The following FAM3B variants were observed in gnomAD, a reference collection of about 807,000 sequenced individuals.
FAM3B encodes the protein protein FAM3B.
In FAM3B, 29 loss-of-function variants were observed where a neutral mutation model predicts 28.4. The observed-to-expected ratio is 1.02, with a 90% confidence interval of 0.76 to 1.39. FAM3B has a LOEUF of 1.39. FAM3B is among the 40% of genes most tolerant of loss of function. The pLI, the probability that FAM3B is intolerant of heterozygous loss-of-function variation, is 0.00. For missense variants in FAM3B, 266 were observed against 293.9 expected (o/e 0.91, Z 0.69); for synonymous variants, 91 against 103.0 (o/e 0.88, Z 0.71).
intron 2 of FAM3B, among the ~76,000 whole-genome samples, chr21:41,336,241 G>A (rs989237894): frequency 3.3e-5 from 5 of 152,132 alleles, no homozygotes; most frequent in African/African-American, 1.2e-4. Context: ...TAAGAAATAG[G>A]CCAGGCATGG....
intron 7 of FAM3B, among the ~76,000 whole-genome samples, chr21:41,355,751 C>G (rs2089159571): frequency 1.3e-5 from 2 of 152,054 alleles, no homozygotes; most frequent in Admixed American, 1.3e-4. Flanking sequence ...TTAAAATTGA[C>G]CATGGTGATG....
intron 4 of FAM3B, among the ~76,000 whole-genome samples, 184 bp downstream of exon 4, chr21:41,344,718 A>C (rs1258845970): frequency 6.6e-6 from 1 of 152,226 alleles, no homozygotes; most frequent in African/African-American, 2.4e-5. Context: ...TGGTTCTAAC[A>C]ACAAATAAAC....
intron 1 of FAM3B, among the ~76,000 whole-genome samples, chr21:41,311,251 A>AAAAT (rs1555866518): frequency 2.4e-3 from 84 of 35,040 alleles, no homozygotes; most frequent in Admixed American, 4.1e-3. Flanking sequence ...AAAAAAAAAA[A>AAAAT]ATATATATAT....
intron 2 of FAM3B, among the ~76,000 whole-genome samples, chr21:41,323,518 G>C (rs371674): frequency 0.35 from 53,777 of 152,124 alleles, 13,191 homozygotes; most frequent in African/African-American, 0.7. Context: ...TGAACACACG[G>C]CCTCAACCAT....
In FAM3B at chr21:41,304,421, A is replaced by G; in HGVS notation, n.99+111A>G. 1.3e-5 allele frequency: 5 copies of G among 386,856 alleles called. No individual in the cohort carries two copies. The East Asian group carries it at 2.3e-4, about 18-fold the overall frequency. The allele number at this position is 386,856 out of a possible 1,614,324, so 24.0% of individuals were successfully genotyped here. The stretch of plus-strand genomic sequence containing the variant: ...GAGGGAGTCGCCCCCGAAGGGCCCC[A>G]GGTTGCCTGCACCGGCGGTTTCCCA... On this transcript the variant is annotated intron_variant and non_coding_transcript_variant, in intron 1 of 9. Transcript: ENST00000479810.
chr21:41,354,670 A>C (rs776801891), intron 7 of FAM3B, among the ~76,000 whole-genome samples: 1 of 152,098 alleles, frequency 6.6e-6, no homozygotes, highest in Non-Finnish European at 1.5e-5. Flanking sequence ...CACACAATAG[A>C]GGGGCCTATT....
At chr21:41,308,077 A>G (rs536652294) in intron 1 of FAM3B, among the ~76,000 whole-genome samples, 59 of 152,352 alleles carry the variant, frequency 3.9e-4, no homozygotes, top group African/African-American at 1.4e-3. Flanking sequence ...TCTTTTTTAT[A>G]CATAATCCCT....
chr21:41,339,953 T>C (rs2088989660), intron 3 of FAM3B, among the ~76,000 whole-genome samples: 1 of 152,122 alleles, frequency 6.6e-6, no homozygotes, highest in Non-Finnish European at 1.5e-5. Context: ...TGAGCCCAAG[T>C]ACTAAAGCCT....
intron 7 of FAM3B, among the ~76,000 whole-genome samples, chr21:41,352,195 T>C (rs1016700954): frequency 6.6e-6 from 1 of 152,198 alleles, no homozygotes; most frequent in Non-Finnish European, 1.5e-5. Context: ...GCTCTTACCA[T>C]ACCCTGCAGC....
At chr21:41,347,177 A>G (rs1174887453) in intron 6 of FAM3B, 77 bp downstream of exon 6, 6 of 1,206,968 alleles carry the variant, frequency 5.0e-6, no homozygotes, top group Non-Finnish European at 7.4e-6. Flanking sequence ...TCTCTCAGTG[A>G]CATCCTCTGG....
intron 3 of FAM3B, among the ~76,000 whole-genome samples, chr21:41,340,924 TA>T (rs2089000848): frequency 6.6e-6 from 1 of 151,998 alleles, no homozygotes; most frequent in Non-Finnish European, 1.5e-5. Context: ...TATATATATA[TA>T]AAATTAATAC....
intron 6 of FAM3B, among the ~76,000 whole-genome samples, chr21:41,347,718 A>G (rs2089076068): frequency 6.8e-6 from 1 of 146,710 alleles, no homozygotes; most frequent in Non-Finnish European, 1.5e-5. Context: ...GCACCACTGC[A>G]CTCCAGCCCG....
rs2089174569 is a variant in FAM3B at position 41,357,153 on chromosome 21, G to A, written c.664G>A (p.Ala222Thr). The A allele has an allele frequency of 6.2e-7, 1 of 1,613,482 alleles. No individual in the cohort carries two copies. Among genetic ancestry groups the A allele is most frequent in the Non-Finnish European group, 8.5e-7 (1 of 1,179,756 alleles). The change falls in exon 8 of 8, where the codon GCA becomes ACA. Residue 222 changes from alanine (A) to threonine (T), a missense_variant. Transcript: ENST00000357985. ...AKNNRYSGWP[A>T]EIQIEGCIPK... ...GAACAACAGATATTCTGGCTGGCCT[G>A]CAGAGATCCAGATAGAAGGCTGCAT...
chr21:41,336,769 T>C (rs947432302), intron 2 of FAM3B, among the ~76,000 whole-genome samples: 18 of 152,200 alleles, frequency 1.2e-4, no homozygotes, highest in African/African-American at 3.4e-4. Flanking sequence ...GGTGCATACA[T>C]ACACACACAC....
chr21:41,351,945 G>A (rs183144101), intron 7 of FAM3B, among the ~76,000 whole-genome samples: 13 of 152,304 alleles, frequency 8.5e-5, no homozygotes, highest in East Asian at 3.9e-4. Context: ...CCTGAGTTTG[G>A]CACTTCATAG....
At chr21:41,314,369 C>CT (rs2088732611), upstream of FAM3B, among the ~76,000 whole-genome samples, 2 of 152,194 alleles carry the variant, frequency 1.3e-5, no homozygotes, top group Non-Finnish European at 2.9e-5. Flanking sequence ...AGCAAACAGA[C>CT]TAAGTCTTGC....
At chr21:41,333,800 T>C (rs1197308933) in intron 2 of FAM3B, among the ~76,000 whole-genome samples, 1 of 152,120 alleles carries the variant, frequency 6.6e-6, no homozygotes, top group Non-Finnish European at 1.5e-5. Flanking sequence ...GACAAGAAGA[T>C]GAGGGAAAGT....
chr21:41,332,602 A>T (rs2088916035), intron 2 of FAM3B, among the ~76,000 whole-genome samples: 2 of 152,118 alleles, frequency 1.3e-5, no homozygotes, highest in African/African-American at 4.8e-5. Flanking sequence ...GATTGGTATT[A>T]GTTCTTTAAT....
At chr21:41,313,065 T>C (rs2088725003), upstream of FAM3B, among the ~76,000 whole-genome samples, 1 of 152,226 alleles carries the variant, frequency 6.6e-6, no homozygotes, top group South Asian at 2.1e-4. Flanking sequence ...TAATCAGAGC[T>C]GAAAGCAGGC....
Sources: gnomAD v4.1 joint callset for allele counts (sites outside exome capture counted in the v4.1 genomes callset) on GRCh38, gnomAD v4.1.1 for gene constraint, MANE v1.5 for transcripts, NCBI Gene and HGNC (gene_info 2026-07-23, HGNC 2026-07-21) for gene names.